KCNH1: variants seen among roughly 807,000 people sequenced by gnomAD.
KCNH1 encodes the protein voltage-gated delayed rectifier potassium channel KCNH1.
In KCNH1, 27 loss-of-function variants were observed where a neutral mutation model predicts 69.2. That is an observed-to-expected ratio of 0.39 (90% CI 0.29 to 0.54). The LOEUF is 0.54. Ranked by LOEUF, KCNH1 falls within the 20% of genes least tolerant of loss-of-function variation. The probability of loss-of-function intolerance (pLI) is 0.68; values close to 1 mark genes in which losing one functional copy is unlikely to be tolerated. For missense variants in KCNH1, 798 were observed against 1,261.6 expected (o/e 0.63, Z 5.57); for synonymous variants, 456 against 487.7 (o/e 0.93, Z 0.86).
chr1:211,044,947 G>A (rs1690065443), intron 5 of KCNH1, among the ~76,000 whole-genome samples: 1 of 149,586 alleles, frequency 6.7e-6, no homozygotes, highest in Non-Finnish European at 1.5e-5. Flanking sequence ...AAGGATGCTT[G>A]CACACACACA....
intron 7 of KCNH1, among the ~76,000 whole-genome samples, chr1:210,819,222 G>C (rs1684877595): frequency 6.6e-6 from 1 of 152,094 alleles, no homozygotes; most frequent in Admixed American, 6.6e-5. Context: ...CTAGTTGAGA[G>C]GAAATAATCA....
chr1:211,042,683 C>T (rs993399084), intron 5 of KCNH1, among the ~76,000 whole-genome samples: 5 of 152,162 alleles, frequency 3.3e-5, no homozygotes, highest in African/African-American at 1.2e-4. Context: ...TTCATCAGCA[C>T]ATGGAACTTT....
chr1:210,877,778 A>T lies in KCNH1; in HGVS notation c.1462+41862T>A, dbSNP rs571768222. Reference sequence around the variant, plus strand: ...TTTTTGTTTTCTACACTAGGTCATTAGCTCCAAATGGAAGGGACCTTGCCT... The same window carrying T: ...TTTTTGTTTTCTACACTAGGTCATTTGCTCCAAATGGAAGGGACCTTGCCT... On this transcript the variant is annotated intron_variant, in intron 7 of 10. Transcript: ENST00000271751. Among the ~76,000 whole-genome samples the T allele has an allele frequency of 6.6e-5, 10 of 152,318 alleles. No individual in the cohort carries two copies. In the East Asian group the frequency reaches 1.9e-3, roughly 29 times the overall value.
chr1:210,954,110 G>A (rs538430158), intron 6 of KCNH1, among the ~76,000 whole-genome samples: 102 of 151,606 alleles, frequency 6.7e-4, no homozygotes, highest in Non-Finnish European at 1.3e-3. Flanking sequence ...TTGTGTCCAA[G>A]TGTTCTCATT....
intron 6 of KCNH1, among the ~76,000 whole-genome samples, chr1:210,979,509 G>A (rs1372415322): frequency 1.3e-5 from 2 of 151,906 alleles, no homozygotes; most frequent in African/African-American, 2.4e-5. Flanking sequence ...AACATTTTCT[G>A]GTTTATATTT....
intron 10 of KCNH1, among the ~76,000 whole-genome samples, chr1:210,757,982 G>A (rs1683434999): frequency 6.6e-6 from 1 of 152,208 alleles, no homozygotes; most frequent in Non-Finnish European, 1.5e-5. Flanking sequence ...AGCGGATACT[G>A]AGGACCCATC....
chr1:210,994,071 G>T (rs146591429), intron 6 of KCNH1, among the ~76,000 whole-genome samples: 15 of 152,206 alleles, frequency 9.9e-5, no homozygotes, highest in African/African-American at 3.4e-4. Context: ...AAAAATTAAA[G>T]CATAATGTTA....
At chr1:211,067,819 A>G (rs1377202575) in intron 5 of KCNH1, among the ~76,000 whole-genome samples, 1 of 152,220 alleles carries the variant, frequency 6.6e-6, no homozygotes, top group Non-Finnish European at 1.5e-5. Flanking sequence ...AGAGTCAGGT[A>G]AACCTGGTTC....
intron 6 of KCNH1, among the ~76,000 whole-genome samples, chr1:210,932,748 T>TA (rs1463902361): frequency 6.6e-6 from 1 of 151,950 alleles, no homozygotes; most frequent in Non-Finnish European, 1.5e-5. Flanking sequence ...CCAAAAACTG[T>TA]AAAAAGAGAC....
chr1:211,122,096 C>T (rs1010009726), intron 1 of KCNH1, among the ~76,000 whole-genome samples: 2 of 152,022 alleles, frequency 1.3e-5, no homozygotes, highest in African/African-American at 4.8e-5. Flanking sequence ...CAAGATCATG[C>T]CACTGCACTC....
chr1:210,720,280 A>G (rs941024708), intron 10 of KCNH1, among the ~76,000 whole-genome samples: 3 of 152,170 alleles, frequency 2.0e-5, no homozygotes, highest in African/African-American at 7.2e-5. Flanking sequence ...TGGGAACGGG[A>G]ATTGAGGACT....
intron 7 of KCNH1, among the ~76,000 whole-genome samples, chr1:210,830,033 C>G (rs1230067023): frequency 6.6e-6 from 1 of 152,132 alleles, no homozygotes; most frequent in African/African-American, 2.4e-5. Flanking sequence ...TAATGTAAAT[C>G]TGGTGCTTAG....
At chr1:210,975,032 C>G (rs1688578279) in intron 6 of KCNH1, among the ~76,000 whole-genome samples, 1 of 152,040 alleles carries the variant, frequency 6.6e-6, no homozygotes, top group Non-Finnish European at 1.5e-5. Context: ...TTTTTATTAA[C>G]CTGTGTACTT....
intron 9 of KCNH1, among the ~76,000 whole-genome samples, chr1:210,776,704 T>G (rs1683867970): frequency 6.6e-6 from 1 of 152,142 alleles, no homozygotes; most frequent in African/African-American, 2.4e-5. Context: ...TTTCTGTTGT[T>G]TATAAGTTAC....
In KCNH1 at chr1:210,683,385, T is replaced by C; in HGVS notation, c.2866A>G (p.Arg956Gly). Residue 956 changes from arginine (R) to glycine (G), a missense_variant, in exon 11 of 11, where the codon AGG becomes GGG. Physicochemically the swap from Arg to Gly is moderately radical, Grantham distance 125. This residue lies in a region of KCNH1 where 331 missense variants were observed against 363.2 expected (regional missense o/e 0.91). Coordinates refer to ENST00000271751, the MANE Select transcript of KCNH1 (RefSeq NM_172362.3). The surrounding 1 kb of genome is among the most constrained non-coding windows in gnomAD (Gnocchi z 5.7). The part of the protein sequence containing the change: ...NIEKQLSEIL[R>G]ILTSRRSSQS... Reference sequence around the variant, plus strand: ...GAGGATCTTCTGGAAGTTAATATCCTGAGTATCTCAGAGAGCTGTTTCTCA... The same window carrying C: ...GAGGATCTTCTGGAAGTTAATATCCCGAGTATCTCAGAGAGCTGTTTCTCA... 6.2e-7 allele frequency: 1 copy of C among 1,614,172 alleles called. No individual in the cohort carries two copies. Among genetic ancestry groups the C allele is most frequent in the South Asian group, 1.1e-5 (1 of 91,078 alleles).
chr1:211,073,751 A>G (rs1690685907), intron 5 of KCNH1, among the ~76,000 whole-genome samples: 1 of 152,134 alleles, frequency 6.6e-6, no homozygotes, highest in Non-Finnish European at 1.5e-5. Flanking sequence ...AAATGCATAT[A>G]CTAGAAAAGA....
chr1:210,974,541 T>C (rs558124301), intron 6 of KCNH1, among the ~76,000 whole-genome samples: 6 of 149,732 alleles, frequency 4.0e-5, no homozygotes, highest in African/African-American at 1.2e-4. Context: ...AAAGATAGAA[T>C]TTTTATGTGT....
intron 1 of KCNH1, among the ~76,000 whole-genome samples, chr1:211,128,581 GGTCTGGCAAGACTCTATTTCTT>G (rs531751952): frequency 9.0e-4 from 136 of 151,542 alleles, no homozygotes; most frequent in African/African-American, 3.1e-3. Flanking sequence ...GGCTTCTAGA[GGTCTGGCAAGACTCTATTTCTT>G]GACACAGGTG....
intron 7 of KCNH1, among the ~76,000 whole-genome samples, chr1:210,886,241 C>T (rs927820095): frequency 6.6e-6 from 1 of 152,150 alleles, no homozygotes; most frequent in Non-Finnish European, 1.5e-5. Flanking sequence ...GCTGGTGATA[C>T]CCAGGCAAAC....
Sources: gnomAD v4.1 joint callset for allele counts (sites outside exome capture counted in the v4.1 genomes callset) on GRCh38, gnomAD v4.1.1 for gene constraint, gnomAD v4.1.1 regional missense constraint, Gnocchi (gnomAD v3.1) non-coding constraint, MANE v1.5 for transcripts, NCBI Gene and HGNC (gene_info 2026-07-23, HGNC 2026-07-21) for gene names.